The following KIF21A variants were observed in gnomAD, a reference collection of about 807,000 sequenced individuals.
The protein encoded by KIF21A is kinesin family member 21A, also known as kinesin-like protein KIF21A.
Under a neutral mutation model 202.9 loss-of-function variants are expected in KIF21A, and 114 were observed. That is an observed-to-expected ratio of 0.56 (90% CI 0.48 to 0.66). The LOEUF (loss-of-function observed/expected upper bound fraction) is 0.66, where lower values mean the gene tolerates loss of function less well. KIF21A is among the 30% of genes least tolerant of loss of function. KIF21A has a pLI of 0.00. For missense variants in KIF21A, 1,677 were observed against 1,994.9 expected (o/e 0.84, Z 3.04); for synonymous variants, 667 against 670.8 (o/e 0.99, Z 0.09).
Position 39,309,717 on chromosome 12 carries a change from T to G in KIF21A, c.4146A>C (p.Ser1382=), listed in dbSNP as rs1312577164. ...CGACATTGTTGGGATGACCCCCCAGTGACATTATTTCCTGCCCAGTCACCA... is the reference window on the plus strand; with the variant it reads ...CGACATTGTTGGGATGACCCCCCAGGGACATTATTTCCTGCCCAGTCACCA... ...WNLVTGQEIM[S]LGGHPNNVVS... is the part of the protein sequence containing the mutation. The change falls in exon 33 of 38, where the codon TCA becomes TCC. Residue 1382 remains serine (S), a synonymous_variant. Coordinates refer to ENST00000361418, the MANE Select transcript of KIF21A (RefSeq NM_001173464.2). 3 of 1,613,234 alleles carry G rather than the reference T, an allele frequency of 1.9e-6. No homozygotes were observed.
rs373189306 is a variant in KIF21A, at chr12:39,356,670, A to C, written c.1469+162T>G. On this transcript the variant is annotated intron_variant, in intron 10 of 37. Transcript: ENST00000361418. ...GAAAACAGCTTGGAATATGACATCA[A>C]GGGAAAGGTAAGTAAAGAATCTCCT... is the stretch of plus-strand genomic sequence containing the variant. 216 of 506,488 alleles carry C rather than the reference A, an allele frequency of 4.3e-4. 3 individuals are homozygous for C. The South Asian group carries it at 5.3e-3, about 13-fold the overall frequency. The allele number at this position is 506,488 out of a possible 1,614,324, so 31.4% of individuals were successfully genotyped here. A position where few individuals can be genotyped will look rare whatever the true frequency, so the allele number is the denominator to read the frequency against.
In KIF21A at chr12:39,302,910, G is replaced by A. The variant is rs1943101947; in HGVS notation, c.4731+55C>T. On this transcript the variant is annotated intron_variant, in intron 36 of 37. Transcript: ENST00000361418. ...AGAAGCTCTTCAAGTTCTTCTACAG[G>A]CTACAGGATTGTGTTGAAATGCCCA... 6 of 1,415,522 alleles carry A rather than the reference G, an allele frequency of 4.2e-6. No homozygotes were observed. In the Admixed American group the frequency reaches 8.4e-5, roughly 20 times the overall value. The allele number at this position is 1,415,522 out of a possible 1,614,324, so 87.7% of individuals were successfully genotyped here.
chr12:39,393,698 T>A (rs1278947005), intron 1 of KIF21A, among the ~76,000 whole-genome samples: 1 of 152,160 alleles, frequency 6.6e-6, no homozygotes, highest in East Asian at 1.9e-4. Flanking sequence ...CCAAAAGTAT[T>A]AAGAGAAAAA....
At chr12:39,412,249 T>TA (rs1566236432) in intron 1 of KIF21A, among the ~76,000 whole-genome samples, 1 of 152,220 alleles carries the variant, frequency 6.6e-6, no homozygotes, top group African/African-American at 2.4e-5. Context: ...TAGACACTTG[T>TA]AAAATCCAAG....
chr12:39,380,436 G>T (rs1206935574), intron 1 of KIF21A, among the ~76,000 whole-genome samples: 1 of 152,146 alleles, frequency 6.6e-6, no homozygotes, highest in African/African-American at 2.4e-5. Context: ...AATAGATTTT[G>T]GTTGTTAAAT....
At chr12:39,396,226 ATG>A (rs1951748102) in intron 1 of KIF21A, among the ~76,000 whole-genome samples, 1 of 152,160 alleles carries the variant, frequency 6.6e-6, no homozygotes, top group Non-Finnish European at 1.5e-5. Context: ...AAATTTTAAA[ATG>A]TAAGAATGTA....
intron 3 of KIF21A, among the ~76,000 whole-genome samples, chr12:39,368,446 G>C (rs967460273): frequency 6.6e-5 from 10 of 152,004 alleles, no homozygotes; most frequent in African/African-American, 1.9e-4. Context: ...CTTTCTTAAC[G>C]TGTTGAAAAA....
At chr12:39,370,712 G>A (rs554341052) in intron 1 of KIF21A, among the ~76,000 whole-genome samples, 2 of 151,832 alleles carry the variant, frequency 1.3e-5, no homozygotes, top group South Asian at 2.1e-4. Flanking sequence ...CCCTTGACTC[G>A]TCTTTTTTGC....
intron 6 of KIF21A, among the ~76,000 whole-genome samples, chr12:39,363,529 C>T (rs1161423972): frequency 6.6e-6 from 1 of 152,076 alleles, no homozygotes; most frequent in East Asian, 1.9e-4. Context: ...GAAAATTGTC[C>T]ATTCATGTTA....
chr12:39,334,013 C>T (rs1383519281), intron 17 of KIF21A, among the ~76,000 whole-genome samples: 1 of 151,666 alleles, frequency 6.6e-6, no homozygotes, highest in Non-Finnish European at 1.5e-5. Context: ...ACCAGCCTGG[C>T]CAACATGGCA....
At chr12:39,402,151 G>A (rs953514700) in intron 1 of KIF21A, among the ~76,000 whole-genome samples, 2 of 152,116 alleles carry the variant, frequency 1.3e-5, no homozygotes, top group African/African-American at 4.8e-5. Context: ...GTGCCTCTTA[G>A]GAAATTTTAT....
At chr12:39,403,492 T>C (rs1453186822) in intron 1 of KIF21A, among the ~76,000 whole-genome samples, 2 of 152,200 alleles carry the variant, frequency 1.3e-5, no homozygotes, top group African/African-American at 2.4e-5. Context: ...TGGTTTGATA[T>C]GGAAAGAGCA....
At chr12:39,441,133 A>G (rs1455879405) in intron 1 of KIF21A, among the ~76,000 whole-genome samples, 1 of 152,204 alleles carries the variant, frequency 6.6e-6, no homozygotes, top group African/African-American at 2.4e-5. Context: ...GTTATGTTGA[A>G]GTTTTTATAA....
chr12:39,401,600 G>T (rs918950438), intron 1 of KIF21A, among the ~76,000 whole-genome samples: 1 of 152,180 alleles, frequency 6.6e-6, no homozygotes, highest in Non-Finnish European at 1.5e-5. Context: ...CAAAATCACA[G>T]TGTGGCCAGA....
At chr12:39,360,165 G>A (rs951611373) in intron 7 of KIF21A, among the ~76,000 whole-genome samples, 10 of 151,884 alleles carry the variant, frequency 6.6e-5, no homozygotes, top group African/African-American at 1.9e-4. Flanking sequence ...TAAATTTCAA[G>A]AATGATTCTA....
Position 39,294,067 on chromosome 12 carries a change from G to A in KIF21A, c.*357C>T, listed in dbSNP as rs1408518026. 2 of 235,602 alleles carry A rather than the reference G, an allele frequency of 8.5e-6. No individual in the cohort carries two copies. Among genetic ancestry groups the A allele is most frequent in the Non-Finnish European group, 1.7e-5 (2 of 118,892 alleles). The allele number at this position is 235,602 out of a possible 1,614,324, so 14.6% of individuals were successfully genotyped here. On this transcript the variant is annotated 3_prime_UTR_variant, in exon 38 of 38. Transcript: ENST00000361418. ...TAAACTACATGAATGAGTTAATGGTGGGCTGCATCGTATTCCAGGTGTGTT... is the reference window on the plus strand; with the variant it reads ...TAAACTACATGAATGAGTTAATGGTAGGCTGCATCGTATTCCAGGTGTGTT...
chr12:39,428,185 A>G (rs1405106532), intron 1 of KIF21A, among the ~76,000 whole-genome samples: 1 of 152,206 alleles, frequency 6.6e-6, no homozygotes, highest in African/African-American at 2.4e-5. Context: ...GTCATCCTCA[A>G]TAGTCCACTT....
intron 1 of KIF21A, among the ~76,000 whole-genome samples, chr12:39,421,226 G>A (rs1423416698): frequency 2.0e-5 from 3 of 152,116 alleles, no homozygotes; most frequent in Admixed American, 1.3e-4. Flanking sequence ...GGAGCAATAC[G>A]CTCTATCATA....
At chr12:39,307,771 C>G (rs1161715468) in intron 33 of KIF21A, 42 bp from the exon 34 acceptor site, 3 of 1,592,318 alleles carry the variant, frequency 1.9e-6, no homozygotes, top group Non-Finnish European at 2.6e-6. Context: ...CACTTCTGGA[C>G]TTGGGTTTGG....
Sources: gnomAD v4.1 joint callset for allele counts (sites outside exome capture counted in the v4.1 genomes callset) on GRCh38, gnomAD v4.1.1 for gene constraint, MANE v1.5 for transcripts, NCBI Gene and HGNC (gene_info 2026-07-23, HGNC 2026-07-21) for gene names.